The following ANTXR1 variants were observed in gnomAD, a reference collection of about 807,000 sequenced individuals.
ANTXR1 encodes the protein anthrax toxin receptor 1.
ANTXR1 carries 19 observed loss-of-function variants against 78.1 expected under a neutral mutation model. The observed-to-expected ratio is 0.24, with a 90% CI of 0.17 to 0.36. The LOEUF (loss-of-function observed/expected upper bound fraction) is 0.36. ANTXR1 is among the 10% of genes least tolerant of loss of function. ANTXR1 has a pLI of 1.00. For missense variants in ANTXR1, 518 were observed against 718.6 expected (o/e 0.72, Z 3.19); for synonymous variants, 273 against 260.5 (o/e 1.05, Z -0.46).
At chr2:69,134,790 C>G (rs1163416063) in intron 12 of ANTXR1, among the ~76,000 whole-genome samples, 2 of 152,134 alleles carry the variant, frequency 1.3e-5, no homozygotes, top group Non-Finnish European at 2.9e-5. Flanking sequence ...ATATTTCAGA[C>G]CAGAGTACTT....
chr2:69,224,996 C>G (rs1232036214), intron 17 of ANTXR1, among the ~76,000 whole-genome samples: 1 of 126,148 alleles, frequency 7.9e-6, no homozygotes, highest in Non-Finnish European at 1.8e-5. Context: ...CTGTGGTGTT[C>G]CCAGCCTATG....
chr2:69,059,347 A>G lies in ANTXR1; in HGVS notation c.297-11300A>G, dbSNP rs1374525352. Among the ~76,000 whole-genome samples, 3 of 152,224 alleles carry G rather than the reference A, an allele frequency of 2.0e-5. No homozygotes were observed. The South Asian group carries it at 6.2e-4, about 32-fold the overall frequency. ...TGCCACAGCCACCCCACCTTCAGCA[A>G]CCATCACTCTGATCAGTCAGCAGCC... On this transcript the variant is annotated intron_variant, in intron 3 of 17. Transcript: ENST00000303714.
At chr2:69,038,204 T>C (rs1453018633) in intron 1 of ANTXR1, among the ~76,000 whole-genome samples, 1 of 152,210 alleles carries the variant, frequency 6.6e-6, no homozygotes, top group Non-Finnish European at 1.5e-5. Context: ...TCTTCCTCAC[T>C]CATCTCTGAG....
chr2:69,161,004 T>C (rs1308264395), intron 13 of ANTXR1, among the ~76,000 whole-genome samples: 1 of 152,204 alleles, frequency 6.6e-6, no homozygotes, highest in Non-Finnish European at 1.5e-5. Flanking sequence ...AGCTTGAACA[T>C]CTTGTGAACA....
chr2:69,181,639 G>T, intron 14 of ANTXR1, 147 bp from the exon 15 acceptor site: 1 of 800,026 alleles, frequency 1.2e-6, no homozygotes, highest in Non-Finnish European at 2.2e-6. Context: ...TTCAGTGATT[G>T]GCCCAAGGTT....
intron 16 of ANTXR1, among the ~76,000 whole-genome samples, chr2:69,187,046 A>G (rs1169141583): frequency 6.6e-6 from 1 of 152,256 alleles, no homozygotes; most frequent in African/African-American, 2.4e-5. Flanking sequence ...AGGAGCCAGA[A>G]TCGTGTACTT....
At chr2:69,175,066 T>A (rs1162264888) in intron 14 of ANTXR1, among the ~76,000 whole-genome samples, 1 of 152,208 alleles carries the variant, frequency 6.6e-6, no homozygotes, top group African/African-American at 2.4e-5. Flanking sequence ...GAGCAAGTCT[T>A]CCTGATGCTC....
chr2:69,199,171 C>T (rs1674720313), intron 17 of ANTXR1, among the ~76,000 whole-genome samples: 1 of 152,236 alleles, frequency 6.6e-6, no homozygotes, highest in Non-Finnish European at 1.5e-5. Flanking sequence ...GCATCAGAAT[C>T]ACCTAGAAGG....
chr2:69,160,000 C>A (rs1306358995), intron 13 of ANTXR1, among the ~76,000 whole-genome samples: 2 of 152,192 alleles, frequency 1.3e-5, no homozygotes, highest in Non-Finnish European at 2.9e-5. Context: ...CCTAACATCA[C>A]CAAAAGGATT....
At chr2:69,022,208 G>A (rs556789606) in intron 1 of ANTXR1, among the ~76,000 whole-genome samples, 1 of 152,346 alleles carries the variant, frequency 6.6e-6, no homozygotes, top group East Asian at 1.9e-4. Context: ...GTACACTGCA[G>A]GGGCTGATTC....
At chr2:69,122,345 C>A (rs1047946851) in intron 10 of ANTXR1, among the ~76,000 whole-genome samples, 2 of 152,210 alleles carry the variant, frequency 1.3e-5, no homozygotes, top group African/African-American at 4.8e-5. Flanking sequence ...TTGGTGAAGT[C>A]ATTTGTCAGC....
chr2:69,145,461 T>C, intron 12 of ANTXR1: 1 of 1,532,888 alleles, frequency 6.5e-7, no homozygotes, highest in Non-Finnish European at 8.8e-7. Flanking sequence ...TACACTTTCC[T>C]TATTTACTGA....
chr2:69,165,903 A>T (rs1673814240), intron 13 of ANTXR1, among the ~76,000 whole-genome samples: 1 of 152,284 alleles, frequency 6.6e-6, no homozygotes, highest in Admixed American at 6.5e-5. Flanking sequence ...TCTCACTTTA[A>T]CAATTTCTAA....
At chr2:69,234,283 T>C (rs1196626056) in intron 17 of ANTXR1, among the ~76,000 whole-genome samples, 1 of 152,224 alleles carries the variant, frequency 6.6e-6, no homozygotes, top group Non-Finnish European at 1.5e-5. Flanking sequence ...CAAGTGAGAA[T>C]CTGCCATATA....
chr2:69,099,324 T>C (rs542616797), intron 9 of ANTXR1, among the ~76,000 whole-genome samples: 1 of 152,398 alleles, frequency 6.6e-6, no homozygotes, highest in East Asian at 1.9e-4. Context: ...TATTCCATTG[T>C]ATAGAAATAC....
intron 17 of ANTXR1, among the ~76,000 whole-genome samples, chr2:69,212,997 G>T (rs1675084305): frequency 7.1e-6 from 1 of 141,338 alleles, no homozygotes; most frequent in East Asian, 2.0e-4. Context: ...GGTAGAGAGA[G>T]GGTCTCACTA....
At chr2:69,118,761 C>G (rs1387023176) in intron 10 of ANTXR1, among the ~76,000 whole-genome samples, 1 of 152,194 alleles carries the variant, frequency 6.6e-6, no homozygotes, top group African/African-American at 2.4e-5. Context: ...GCAAGGAAGG[C>G]TTTGTGCCCT....
At chr2:69,214,221 A>G (rs1250023088) in intron 17 of ANTXR1, among the ~76,000 whole-genome samples, 1 of 152,362 alleles carries the variant, frequency 6.6e-6, no homozygotes, top group East Asian at 1.9e-4. Flanking sequence ...AAACCAAGCC[A>G]TTCCCTGGCC....
chr2:69,075,087 C>A (rs145207708), intron 6 of ANTXR1, among the ~76,000 whole-genome samples: 1 of 152,058 alleles, frequency 6.6e-6, no homozygotes, highest in African/African-American at 2.4e-5. Flanking sequence ...AATATGCTGA[C>A]GTTTATGAGT....
Sources: allele counts gnomAD v4.1 joint callset (sites outside exome capture counted in the v4.1 genomes callset), GRCh38; gene constraint gnomAD v4.1.1; transcripts MANE v1.5; gene names NCBI Gene and HGNC (gene_info 2026-07-23, HGNC 2026-07-21).